The following PDE4B variants were observed in gnomAD, a reference collection of about 807,000 sequenced individuals.
PDE4B encodes the protein phosphodiesterase 4B, also known as 3',5'-cyclic-AMP phosphodiesterase 4B.
A neutral mutation model predicts 82.2 loss-of-function variants in PDE4B; 20 were observed. That is an observed-to-expected ratio of 0.24 (90% CI 0.17 to 0.35). The LOEUF is 0.35. PDE4B is among the 10% of genes least tolerant of loss of function. The pLI, the probability that PDE4B is intolerant of heterozygous loss-of-function variation, is 1.00. For missense variants in PDE4B, 655 were observed against 907.2 expected (o/e 0.72, Z 3.57); for synonymous variants, 320 against 318.9 (o/e 1.00, Z -0.04).
At chr1:66,122,446 A>AT (rs1163573303) in intron 3 of PDE4B, among the ~76,000 whole-genome samples, 3 of 152,150 alleles carry the variant, frequency 2.0e-5, no homozygotes, top group Non-Finnish European at 4.4e-5. Context: ...TATTAAAAAG[A>AT]TTTTTTGTTA....
chr1:65,957,875 G>A (rs1486230075), intron 3 of PDE4B, among the ~76,000 whole-genome samples: 1 of 152,034 alleles, frequency 6.6e-6, no homozygotes, highest in African/African-American at 2.4e-5. Context: ...ACAACCAGCT[G>A]TTTGTTATTG....
chr1:66,173,891 A>G (rs1261690529), intron 3 of PDE4B, among the ~76,000 whole-genome samples: 2 of 152,050 alleles, frequency 1.3e-5, no homozygotes, highest in Non-Finnish European at 2.9e-5. Flanking sequence ...GCTCAAAGCA[A>G]TCCTCCCACC....
At chr1:66,074,268 T>C (rs139685598) in intron 3 of PDE4B, among the ~76,000 whole-genome samples, 400 of 152,256 alleles carry the variant, frequency 2.6e-3, no homozygotes, top group African/African-American at 8.3e-3. Flanking sequence ...GTATTAATAA[T>C]ACCTTCCTTT....
chr1:66,290,891 A>G lies in PDE4B; in HGVS notation c.634+24804A>G, dbSNP rs116360635. Among the ~76,000 whole-genome samples the G allele has an allele frequency of 3.3e-3, 497 of 152,290 alleles. 2 individuals carry two copies. Among genetic ancestry groups the G allele is most frequent in the African/African-American group, 0.011 (473 of 41,562 alleles). ...GAGTGAACTACAACCACTCATCAGAAGGATGAAGAAATTGATGGCTGACTT... is the reference window on the plus strand; with the variant it reads ...GAGTGAACTACAACCACTCATCAGAGGGATGAAGAAATTGATGGCTGACTT... On this transcript the variant is annotated intron_variant, in intron 7 of 16. Coordinates refer to ENST00000341517, the MANE Select transcript of PDE4B (RefSeq NM_002600.4).
chr1:66,092,083 C>A (rs1645036686), intron 3 of PDE4B, among the ~76,000 whole-genome samples: 1 of 151,932 alleles, frequency 6.6e-6, no homozygotes, highest in Admixed American at 6.6e-5. Context: ...ATGACCAGGG[C>A]TCAACAACTC....
chr1:66,084,362 A>G (rs1348955122), intron 3 of PDE4B, among the ~76,000 whole-genome samples: 1 of 152,170 alleles, frequency 6.6e-6, no homozygotes, highest in Non-Finnish European at 1.5e-5. Flanking sequence ...ATTTGGTATC[A>G]AGACCAGACA....
intron 3 of PDE4B, among the ~76,000 whole-genome samples, chr1:65,949,699 T>C (rs1049314583): frequency 3.3e-5 from 5 of 152,116 alleles, no homozygotes; most frequent in African/African-American, 1.2e-4. Flanking sequence ...AGAGAGGAAG[T>C]GGAGCAAGTC....
intron 3 of PDE4B, among the ~76,000 whole-genome samples, chr1:65,995,081 AT>A (rs1490148163): frequency 3.3e-5 from 5 of 152,192 alleles, no homozygotes; most frequent in Non-Finnish European, 5.9e-5. Context: ...GCCAAAAAAA[AT>A]AGGACTTTGA....
intron 7 of PDE4B, among the ~76,000 whole-genome samples, chr1:66,306,732 G>T (rs895338425): frequency 8.5e-4 from 130 of 152,226 alleles, no homozygotes; most frequent in African/African-American, 3.0e-3. Context: ...AAAATCCAGT[G>T]GGAGTAAGTA....
chr1:65,933,791 C>G (rs1005738958), intron 3 of PDE4B, among the ~76,000 whole-genome samples: 4 of 152,042 alleles, frequency 2.6e-5, no homozygotes, highest in African/African-American at 9.7e-5. Context: ...GAAAGTGAAA[C>G]TTGGTAATGA....
intron 1 of PDE4B, among the ~76,000 whole-genome samples, chr1:65,822,859 T>A (rs1488044829): frequency 6.6e-6 from 1 of 152,202 alleles, no homozygotes; most frequent in Non-Finnish European, 1.5e-5. Context: ...TTAATTTCTA[T>A]TATTGATAAT....
chr1:65,918,703 T>TA lies in PDE4B; in HGVS notation c.150dup (p.Gln51ThrfsTer11). The stretch of plus-strand genomic sequence containing the variant: ...GGGAGAAGGTGTTGCTCAGGAAACT[T>TA]ACAGTTACCACCACTGTCTCAAAGA... On this transcript the variant is annotated frameshift_variant, in exon 3 of 17. Coordinates refer to ENST00000341517, the MANE Select transcript of PDE4B (RefSeq NM_002600.4). LOFTEE classifies it high-confidence loss of function. 6.2e-7 allele frequency: 1 copy of TA among 1,612,582 alleles called. No homozygotes were observed. The highest frequency in any genetic ancestry group is 1.7e-4 in the Middle Eastern group (1 of 6,058).
intron 8 of PDE4B, among the ~76,000 whole-genome samples, chr1:66,353,453 G>A (rs1661992435): frequency 6.6e-6 from 1 of 152,198 alleles, no homozygotes; most frequent in Non-Finnish European, 1.5e-5. Flanking sequence ...GCTATTGTTG[G>A]ATGCGGATGC....
chr1:66,241,501 C>T (rs1379143389), intron 3 of PDE4B, among the ~76,000 whole-genome samples: 1 of 151,990 alleles, frequency 6.6e-6, no homozygotes, highest in African/African-American at 2.4e-5. Context: ...ACATTCATTT[C>T]TTTTTCTTTT....
At chr1:66,224,657 T>C (rs1651286534) in intron 3 of PDE4B, among the ~76,000 whole-genome samples, 1 of 152,186 alleles carries the variant, frequency 6.6e-6, no homozygotes, top group South Asian at 2.1e-4. Flanking sequence ...AGGCAGAGGT[T>C]GCAGTGAGCC....
chr1:65,800,934 A>G (rs1186037241), intron 1 of PDE4B, among the ~76,000 whole-genome samples: 1 of 152,200 alleles, frequency 6.6e-6, no homozygotes, highest in African/African-American at 2.4e-5. Context: ...TAGATACTGC[A>G]GATTGGCTGA....
intron 3 of PDE4B, among the ~76,000 whole-genome samples, chr1:66,247,184 G>A (rs938487386): frequency 6.6e-6 from 1 of 152,174 alleles, no homozygotes; most frequent in Non-Finnish European, 1.5e-5. Flanking sequence ...AGGCCATGGA[G>A]TTTGCTCCTG....
At chr1:65,813,986 A>G (rs1645850488) in intron 1 of PDE4B, among the ~76,000 whole-genome samples, 3 of 151,650 alleles carry the variant, frequency 2.0e-5, no homozygotes, top group African/African-American at 7.3e-5. Context: ...CCCTGAGTGT[A>G]TGTGAGCTTT....
chr1:65,929,438 A>G (rs2100512002), intron 3 of PDE4B, among the ~76,000 whole-genome samples: 1 of 152,106 alleles, frequency 6.6e-6, no homozygotes, highest in East Asian at 1.9e-4. Context: ...TTTCCAATCA[A>G]TCTCACTTTA....
Sources: gnomAD v4.1 joint callset for allele counts (sites outside exome capture counted in the v4.1 genomes callset) on GRCh38, gnomAD v4.1.1 for gene constraint, MANE v1.5 for transcripts, NCBI Gene and HGNC (gene_info 2026-07-23, HGNC 2026-07-21) for gene names.